CDH4: variants seen among roughly 807,000 people sequenced by gnomAD.
CDH4 encodes the protein cadherin 4.
Under a neutral mutation model 86.0 loss-of-function variants are expected in CDH4, and 33 were observed. The ratio of observed to expected loss-of-function variants is 0.38; its 90% CI spans 0.29 to 0.51. The LOEUF (loss-of-function observed/expected upper bound fraction) is 0.51, where lower values mean the gene tolerates loss of function less well. CDH4 is among the 20% of genes least tolerant of loss of function. CDH4 has a pLI of 0.86. For missense variants in CDH4, 1,114 were observed against 1,307.4 expected, an observed-to-expected ratio of 0.85 and a Z score of 2.28; for synonymous variants, 555 against 549.4, an observed-to-expected ratio of 1.01 and a Z score of -0.14.
intron 4 of CDH4, among the ~76,000 whole-genome samples, chr20:61,792,738 C>T (rs1979269945): frequency 1.3e-5 from 2 of 152,054 alleles, no homozygotes; most frequent in African/African-American, 4.8e-5. Context: ...GCAACCTCCA[C>T]CTCCCAGGTT....
chr20:61,682,076 C>T (rs1192359015), intron 2 of CDH4, among the ~76,000 whole-genome samples: 1 of 152,178 alleles, frequency 6.6e-6, no homozygotes, highest in African/African-American at 2.4e-5. Flanking sequence ...GGCTTCTGGG[C>T]CAGTCCCTGC....
intron 4 of CDH4, among the ~76,000 whole-genome samples, chr20:61,839,511 G>C (rs571825151): frequency 8.2e-4 from 113 of 137,982 alleles, no homozygotes; most frequent in African/African-American, 2.6e-3. Context: ...TATTTAGTGT[G>C]TGTTGTGTGT....
chr20:61,369,416 C>T (rs1197836485), intron 2 of CDH4, among the ~76,000 whole-genome samples: 1 of 142,102 alleles, frequency 7.0e-6, no homozygotes, highest in African/African-American at 2.6e-5. Flanking sequence ...ATAACATTGC[C>T]CTCCAGCCTG....
chr20:61,591,811 C>T (rs767677187), intron 2 of CDH4, among the ~76,000 whole-genome samples: 3 of 152,136 alleles, frequency 2.0e-5, no homozygotes, highest in African/African-American at 4.8e-5. Context: ...TTCCATTATA[C>T]GGCAGTTTAA....
At chr20:61,590,879 G>GGGC (rs1555811638) in intron 2 of CDH4, among the ~76,000 whole-genome samples, 2 of 135,890 alleles carry the variant, frequency 1.5e-5, no homozygotes, top group African/African-American at 6.3e-5. Flanking sequence ...AAATCTATGG[G>GGGC]GGGGGGGGTC....
intron 2 of CDH4, among the ~76,000 whole-genome samples, chr20:61,326,997 T>C (rs968494974): frequency 6.6e-6 from 1 of 152,150 alleles, no homozygotes; most frequent in African/African-American, 2.4e-5. Context: ...GCTAGAAGTT[T>C]CAAGATTTAC....
intron 2 of CDH4, among the ~76,000 whole-genome samples, chr20:61,361,753 G>C (rs2123319765): frequency 6.6e-6 from 1 of 152,338 alleles, no homozygotes; most frequent in East Asian, 1.9e-4. Flanking sequence ...GGGCAATGAG[G>C]CTTTCATCAG....
At chr20:61,716,159 C>T (rs942896918) in intron 2 of CDH4, among the ~76,000 whole-genome samples, 3 of 152,114 alleles carry the variant, frequency 2.0e-5, no homozygotes, top group African/African-American at 4.8e-5. Flanking sequence ...GGGGTAGATG[C>T]TCCTCACCTG....
chr20:61,259,871 G>A (rs2084119497), intron 2 of CDH4, among the ~76,000 whole-genome samples: 1 of 152,180 alleles, frequency 6.6e-6, no homozygotes, highest in Non-Finnish European at 1.5e-5. Flanking sequence ...GGAACAAACT[G>A]AGCTGGCCAT....
intron 7 of CDH4, among the ~76,000 whole-genome samples, chr20:61,884,271 A>G (rs931710079): frequency 1.3e-5 from 2 of 152,220 alleles, no homozygotes; most frequent in Non-Finnish European, 2.9e-5. Flanking sequence ...AGGCAGCTGC[A>G]CGTCACTGTC....
chr20:61,368,165 G>A lies in CDH4; in HGVS notation c.169+113228G>A, dbSNP rs188015175. Among the ~76,000 whole-genome samples the A allele has an allele frequency of 7.0e-4, 107 of 152,180 alleles. 1 individual carries two copies. The highest frequency in any genetic ancestry group is 1.3e-3 in the Non-Finnish European group (86 of 67,980). Reference sequence around the variant, plus strand: ...ATTACAGGCGTGAGCCGCTGCGCCCGGCCTCTCCAGACTCTTAATGATTAC... The same window carrying A: ...ATTACAGGCGTGAGCCGCTGCGCCCAGCCTCTCCAGACTCTTAATGATTAC... On this transcript the variant is annotated intron_variant, in intron 2 of 15. Transcript: ENST00000614565.
At chr20:61,903,455 G>T (rs2054751178) in intron 8 of CDH4, among the ~76,000 whole-genome samples, 1 of 142,026 alleles carries the variant, frequency 7.0e-6, no homozygotes, top group Admixed American at 7.7e-5. Context: ...TGAGGCAGAA[G>T]AATTGCTTGA....
chr20:61,628,100 C>T (rs975733909), intron 2 of CDH4, among the ~76,000 whole-genome samples: 1 of 152,168 alleles, frequency 6.6e-6, no homozygotes, highest in African/African-American at 2.4e-5. Context: ...GGCTGGGTTT[C>T]TTCTGGCATC....
chr20:61,857,914 TGTGTGTGTCA>T (rs1421343795), intron 6 of CDH4, among the ~76,000 whole-genome samples: 3 of 146,924 alleles, frequency 2.0e-5, no homozygotes, highest in Non-Finnish European at 4.4e-5. Flanking sequence ...TGTGCATCTG[TGTGTGTGTCA>T]GTGTGTGTCT....
chr20:61,359,800 G>A (rs1267533783), intron 2 of CDH4, among the ~76,000 whole-genome samples: 1 of 152,198 alleles, frequency 6.6e-6, no homozygotes, highest in African/African-American at 2.4e-5. Context: ...GAGAGACAGA[G>A]GCTTCACCCC....
intron 2 of CDH4, among the ~76,000 whole-genome samples, chr20:61,321,846 C>A (rs911619176): frequency 3.3e-5 from 5 of 152,182 alleles, no homozygotes; most frequent in Non-Finnish European, 7.3e-5. Context: ...ACGCTCACCT[C>A]ATGTTCCTTA....
chr20:61,540,376 C>T (rs763263219), intron 2 of CDH4, among the ~76,000 whole-genome samples: 5 of 152,100 alleles, frequency 3.3e-5, no homozygotes, highest in Non-Finnish European at 7.4e-5. Flanking sequence ...ATGACGGCAC[C>T]GGAAGCCATG....
chr20:61,404,164 G>A (rs946135098), intron 2 of CDH4, among the ~76,000 whole-genome samples: 4 of 152,048 alleles, frequency 2.6e-5, no homozygotes, highest in African/African-American at 9.7e-5. Context: ...GCGGGTACAG[G>A]GGTCCTGGGC....
intron 14 of CDH4, 113 bp from the exon 15 acceptor site, chr20:61,933,943 G>A (rs781006775): frequency 9.7e-6 from 12 of 1,231,228 alleles, no homozygotes; most frequent in Admixed American, 3.7e-5. Flanking sequence ...TGGAGACCAG[G>A]CCACAGGGCA....
Sources: allele counts gnomAD v4.1 joint callset (sites outside exome capture counted in the v4.1 genomes callset), GRCh38; gene constraint gnomAD v4.1.1; transcripts MANE v1.5; gene names NCBI Gene and HGNC (gene_info 2026-07-23, HGNC 2026-07-21).